The following MYO1B variants were observed in gnomAD, a reference collection of about 807,000 sequenced individuals.
The protein encoded by MYO1B is myosin IB, also known as unconventional myosin-Ib.
In MYO1B, 72 loss-of-function variants were observed where a neutral mutation model predicts 159.7. The ratio of observed to expected loss-of-function variants is 0.45; its 90% confidence interval spans 0.37 to 0.55. The LOEUF is 0.55. MYO1B is among the 20% of genes least tolerant of loss of function. The probability of loss-of-function intolerance (pLI) is 0.00; values close to 1 mark genes in which losing one functional copy is unlikely to be tolerated. For missense variants in MYO1B, 1,062 were observed against 1,364.8 expected, an observed-to-expected ratio of 0.78 and a Z score of 3.50; for synonymous variants, 468 against 473.8, an observed-to-expected ratio of 0.99 and a Z score of 0.16.
At chr2:191,384,453 T>C (rs1016944712) in intron 15 of MYO1B, among the ~76,000 whole-genome samples, 2 of 152,232 alleles carry the variant, frequency 1.3e-5, no homozygotes, top group African/African-American at 4.8e-5. Flanking sequence ...GTATTCAAGA[T>C]ATTCCTAAAA....
At chr2:191,413,140 C>T (rs748830479) in intron 27 of MYO1B, among the ~76,000 whole-genome samples, 6 of 151,920 alleles carry the variant, frequency 3.9e-5, no homozygotes, top group East Asian at 1.9e-4. Context: ...CAGATGCAAG[C>T]GTAATGTATA....
intron 13 of MYO1B, among the ~76,000 whole-genome samples, chr2:191,376,248 AG>A (rs1488179358): frequency 6.6e-6 from 1 of 152,208 alleles, no homozygotes; most frequent in Non-Finnish European, 1.5e-5. Flanking sequence ...ATGTCTAAAA[AG>A]GAGACTATTT....
At position 191,357,771 on chromosome 2, in the gene MYO1B, T is replaced by C. The variant is rs193286411; in HGVS notation, c.563-2860T>C. Among the ~76,000 whole-genome samples the C allele has an allele frequency of 1.5e-4, 23 of 152,322 alleles. No homozygotes were observed. In the East Asian group the frequency reaches 4.3e-3, roughly 28 times the overall value. ...TGAATTGAATTTATGTTCTCTACTT[T>C]GAGTAATTATTTGGTATGGCTTCAA... is the stretch of plus-strand genomic sequence containing the variant. On this transcript the variant is annotated intron_variant, in intron 7 of 30. Transcript: ENST00000392318.
intron 3 of MYO1B, among the ~76,000 whole-genome samples, chr2:191,326,684 A>G (rs1433351972): frequency 1.3e-5 from 2 of 152,066 alleles, no homozygotes; most frequent in African/African-American, 4.8e-5. Flanking sequence ...GAAGAAAAAA[A>G]TAAGTATTCA....
At chr2:191,389,895 CATGT>C (rs1031215748) in intron 17 of MYO1B, among the ~76,000 whole-genome samples, 2 of 152,156 alleles carry the variant, frequency 1.3e-5, no homozygotes, top group Non-Finnish European at 2.9e-5. Context: ...GTGTCCCTTG[CATGT>C]TGATCCCCCA....
chr2:191,348,185 C>T (rs1477845888), intron 6 of MYO1B, among the ~76,000 whole-genome samples: 1 of 152,174 alleles, frequency 6.6e-6, no homozygotes, highest in Admixed American at 6.5e-5. Flanking sequence ...GCTGGCCACT[C>T]ATTGGTTTAT....
At chr2:191,331,647 G>A (rs1396138302) in intron 4 of MYO1B, among the ~76,000 whole-genome samples, 1 of 152,120 alleles carries the variant, frequency 6.6e-6, no homozygotes, top group African/African-American at 2.4e-5. Flanking sequence ...TACCAACTTA[G>A]TGAAAGGTAC....
At chr2:191,399,683 G>T (rs1336930999) in intron 21 of MYO1B, among the ~76,000 whole-genome samples, 1 of 152,214 alleles carries the variant, frequency 6.6e-6, no homozygotes, top group Non-Finnish European at 1.5e-5. Context: ...AACACTGACT[G>T]ACCTTGCCCA....
At chr2:191,419,091 G>A (rs1697765926) in intron 30 of MYO1B, among the ~76,000 whole-genome samples, 1 of 152,238 alleles carries the variant, frequency 6.6e-6, no homozygotes, top group Non-Finnish European at 1.5e-5. Context: ...TCACATGTTT[G>A]TGCTGCTGCT....
At chr2:191,300,733 G>C (rs1168249157) in intron 3 of MYO1B, among the ~76,000 whole-genome samples, 1 of 142,296 alleles carries the variant, frequency 7.0e-6, no homozygotes, top group Non-Finnish European at 1.5e-5. Flanking sequence ...TCCTGAGTAG[G>C]TAGGTGGGAC....
At chr2:191,402,478 ATTC>A in intron 23 of MYO1B, 151 bp from the exon 24 acceptor site, 1 of 671,734 alleles carries the variant, frequency 1.5e-6, no homozygotes. Context: ...CCTGACACCA[ATTC>A]TTTGGGTTTA....
At chr2:191,407,014 G>A (rs1008923200) in intron 24 of MYO1B, among the ~76,000 whole-genome samples, 7 of 152,222 alleles carry the variant, frequency 4.6e-5, no homozygotes, top group East Asian at 3.8e-4. Context: ...AAAGGGACTC[G>A]TGTAGTTTGG....
intron 3 of MYO1B, among the ~76,000 whole-genome samples, chr2:191,298,151 A>G (rs904127392): frequency 3.9e-5 from 6 of 152,204 alleles, no homozygotes; most frequent in Non-Finnish European, 8.8e-5. Flanking sequence ...ATGCAGCGAT[A>G]TATTTGGGCT....
chr2:191,385,636 C>A lies in MYO1B; in HGVS notation c.1354-248C>A, dbSNP rs181801242. ...GAGGCAACTCCCAGGTACTGTTGTT[C>A]TGTGCGAGGAGAGAGGAACCAAGAA... On this transcript the variant is annotated intron_variant, in intron 15 of 30. Coordinates refer to ENST00000392318, the MANE Select transcript of MYO1B (RefSeq NM_001130158.3). Among the ~76,000 whole-genome samples, 201 of 152,254 alleles carry A rather than the reference C, an allele frequency of 1.3e-3. 2 individuals carry two copies. Among genetic ancestry groups the A allele is most frequent in the Admixed American group, 0.013 (201 of 15,294 alleles).
intron 2 of MYO1B, among the ~76,000 whole-genome samples, chr2:191,285,401 G>A (rs1487026378): frequency 3.3e-5 from 5 of 152,148 alleles, no homozygotes; most frequent in Non-Finnish European, 7.4e-5. Flanking sequence ...GCACGTCTTG[G>A]ACTAGGCAGC....
Position 191,424,155 on chromosome 2 carries a change from A to G in MYO1B, c.*195A>G. The stretch of plus-strand genomic sequence containing the variant: ...CTTTCAAATACATGTTCTGTCCTGG[A>G]GCAGGATTGTAGAAACTAACAGTGT... On this transcript the variant is annotated 3_prime_UTR_variant, in exon 31 of 31. Coordinates refer to ENST00000392318, the MANE Select transcript of MYO1B (RefSeq NM_001130158.3). 1 of 619,966 alleles carries G rather than the reference A, an allele frequency of 1.6e-6. No individual in the cohort carries two copies. The highest frequency in any genetic ancestry group is 2.7e-6 in the Non-Finnish European group (1 of 368,834). The allele number at this position is 619,966 out of a possible 1,614,324, so 38.4% of individuals were successfully genotyped here.
intron 1 of MYO1B, among the ~76,000 whole-genome samples, chr2:191,275,537 G>T (rs1230042079): frequency 6.6e-6 from 1 of 152,264 alleles, no homozygotes; most frequent in South Asian, 2.1e-4. Context: ...AAGACCTACT[G>T]GATGTTCTAG....
chr2:191,376,762 G>A (rs978881536), intron 13 of MYO1B, among the ~76,000 whole-genome samples: 1 of 152,070 alleles, frequency 6.6e-6, no homozygotes, highest in African/African-American at 2.4e-5. Context: ...CCATTTCTCT[G>A]TCCCAAATAC....
At chr2:191,351,540 A>G (rs1334606866) in intron 7 of MYO1B, among the ~76,000 whole-genome samples, 3 of 152,202 alleles carry the variant, frequency 2.0e-5, no homozygotes, top group Non-Finnish European at 4.4e-5. Flanking sequence ...ATAGGATTGA[A>G]TTGGATGAAT....
Sources: gnomAD v4.1 joint callset for allele counts (sites outside exome capture counted in the v4.1 genomes callset) on GRCh38, gnomAD v4.1.1 for gene constraint, MANE v1.5 for transcripts, NCBI Gene and HGNC (gene_info 2026-07-23, HGNC 2026-07-21) for gene names.